GSG1: variants seen among roughly 807,000 people sequenced by gnomAD.
GSG1 encodes germ cell-specific gene 1 protein.
In GSG1, 28 loss-of-function variants were observed where a neutral mutation model predicts 30.8. That is an observed-to-expected ratio of 0.91 (90% CI 0.67 to 1.25). GSG1 has a LOEUF of 1.25. GSG1 is among the 50% of genes most tolerant of loss of function. The probability of loss-of-function intolerance (pLI) is 0.00; values close to 1 mark genes in which losing one functional copy is unlikely to be tolerated. For missense variants in GSG1, 435 were observed against 444.7 expected, an observed-to-expected ratio of 0.98 and a Z score of 0.20; for synonymous variants, 162 against 178.0, an observed-to-expected ratio of 0.91 and a Z score of 0.71.
chr12:13,098,124 G>T (rs1591658331), intron 1 of GSG1, among the ~76,000 whole-genome samples: 1 of 151,826 alleles, frequency 6.6e-6, no homozygotes, highest in African/African-American at 2.4e-5. Flanking sequence ...AGGAGAAGCA[G>T]GAATTTTGTG....
At chr12:13,090,843 A>G in intron 1 of GSG1, 25 bp from the exon 2 acceptor site, 1 of 1,582,290 alleles carries the variant, frequency 6.3e-7, no homozygotes, top group Non-Finnish European at 8.6e-7. Flanking sequence ...CACAAGTGGA[A>G]GGGAAGGGAG....
At chr12:13,096,431 G>A (rs569245990) in intron 1 of GSG1, among the ~76,000 whole-genome samples, 67 of 142,956 alleles carry the variant, frequency 4.7e-4, no homozygotes, top group African/African-American at 1.5e-3. Context: ...CCGAGACTGC[G>A]CCACTGCACT....
At chr12:13,096,111 A>G (rs1363314763) in intron 1 of GSG1, among the ~76,000 whole-genome samples, 3 of 152,160 alleles carry the variant, frequency 2.0e-5, no homozygotes, top group Non-Finnish European at 4.4e-5. Flanking sequence ...TCGGGGCCTC[A>G]TGGAGCCATG....
At chr12:13,087,829 CAA>C in intron 5 of GSG1, 76 bp downstream of exon 5, 2 of 1,484,220 alleles carry the variant, frequency 1.3e-6, no homozygotes, top group Middle Eastern at 2.4e-4. Context: ...CCCTTCAGGG[CAA>C]AGACTCAAGC....
chr12:13,097,269 T>C (rs1591656349), intron 1 of GSG1, among the ~76,000 whole-genome samples: 2 of 152,192 alleles, frequency 1.3e-5, no homozygotes, highest in East Asian at 1.9e-4. Context: ...TTCAACGAAA[T>C]TAGTCTAAAA....
intron 5 of GSG1, among the ~76,000 whole-genome samples, chr12:13,087,511 C>T (rs926056555): frequency 1.1e-4 from 16 of 152,202 alleles, no homozygotes; most frequent in African/African-American, 3.9e-4. Flanking sequence ...CAAGGCTGCA[C>T]CCAAGGCCAC....
rs548205770 is a variant in GSG1 at position 13,095,149 on chromosome 12, C to T, written c.49-4331G>A. Among the ~76,000 whole-genome samples, 11 of 152,338 alleles carry T rather than the reference C, an allele frequency of 7.2e-5. No homozygotes were observed. The East Asian group carries it at 2.1e-3, about 29-fold the overall frequency. ...ATTCAAGAATTTTCAAGAATTATCT[C>T]CAACACCTATAGTACCATGCCCTTT... is the stretch of plus-strand genomic sequence containing the variant. On this transcript the variant is annotated intron_variant, in intron 1 of 6. Coordinates refer to ENST00000651961, the MANE Select transcript of GSG1 (RefSeq NM_001080555.4).
chr12:13,091,055 G>A (rs191536718), intron 1 of GSG1, among the ~76,000 whole-genome samples: 5 of 152,310 alleles, frequency 3.3e-5, no homozygotes, highest in African/African-American at 7.2e-5. Context: ...CCAAATGGGG[G>A]CCTCAGAAGC....
chr12:13,090,210 G>A (rs1591632858), intron 2 of GSG1, among the ~76,000 whole-genome samples: 1 of 152,188 alleles, frequency 6.6e-6, no homozygotes, highest in Admixed American at 6.5e-5. Flanking sequence ...AAACTTTTAA[G>A]GTTAATTCTA....
chr12:13,102,955 T>G (rs1365917446), intron 1 of GSG1, among the ~76,000 whole-genome samples: 1 of 152,264 alleles, frequency 6.6e-6, no homozygotes, highest in Non-Finnish European at 1.5e-5. Flanking sequence ...CTGTGTGTTG[T>G]CCTTCCCAGT....
At chr12:13,090,841 G>A in intron 1 of GSG1, 23 bp from the exon 2 acceptor site, 1 of 1,583,376 alleles carries the variant, frequency 6.3e-7, no homozygotes, top group Non-Finnish European at 8.6e-7. Flanking sequence ...AGCACAAGTG[G>A]AAGGGAAGGG....
At position 13,084,764 on chromosome 12, in the gene GSG1, A is replaced by G. The variant is rs1865343576; in HGVS notation, c.*137T>C. 1 of 610,556 alleles carries G rather than the reference A, an allele frequency of 1.6e-6. No homozygotes were observed. The highest frequency in any genetic ancestry group is 1.8e-5 in the African/African-American group (1 of 54,334). 37.8% of individuals were successfully genotyped at this position (610,556 alleles called of 1,614,324 possible). A position where few individuals can be genotyped will look rare whatever the true frequency, so the allele number is the denominator to read the frequency against. On this transcript the variant is annotated 3_prime_UTR_variant, in exon 7 of 7. Coordinates refer to ENST00000651961, the MANE Select transcript of GSG1 (RefSeq NM_001080555.4). The stretch of plus-strand genomic sequence containing the variant: ...CACCCAGGAATCCCTTAGGACTTAA[A>G]GATAACCCTTATTCATAGCCTTATT...
Position 13,094,253 on chromosome 12 carries a change from A to G in GSG1, c.49-3435T>C, listed in dbSNP as rs369209160. 8.5e-5 allele frequency among the ~76,000 whole-genome samples: 13 copies of G among 152,384 alleles called. No individual in the cohort carries two copies. In the East Asian group the frequency reaches 2.5e-3, roughly 29 times the overall value. On this transcript the variant is annotated intron_variant, in intron 1 of 6. Transcript: ENST00000651961. Reference sequence around the variant, plus strand: ...TTCTTCAGAATTTCCAGGGACTAAGACAGTGCATATCACAAAATGCTTATT... The same window carrying G: ...TTCTTCAGAATTTCCAGGGACTAAGGCAGTGCATATCACAAAATGCTTATT...
chr12:13,084,681 G>C lies in GSG1; in HGVS notation c.*220C>G. ...ATCAGTAAAGAAGGGAATTCTGGAT[G>C]TGTGAGATGTGGGGTGGGTGAAACA... On this transcript the variant is annotated 3_prime_UTR_variant, in exon 7 of 7. Transcript: ENST00000651961. 1 of 435,000 alleles carries C rather than the reference G, an allele frequency of 2.3e-6. No individual in the cohort carries two copies. 26.9% of individuals were successfully genotyped at this position (435,000 alleles called of 1,614,324 possible).
Position 13,093,949 on chromosome 12 carries a change from A to G in GSG1, c.49-3131T>C, listed in dbSNP as rs1310188150. On this transcript the variant is annotated intron_variant, in intron 1 of 6. Transcript: ENST00000651961. The surrounding 1 kb of genome is among the most constrained non-coding windows in gnomAD (Gnocchi z 4.6). ...AGAGAAGTAATTTGGCAAGTCTCTC[A>G]CTTTGTGTTAGAGCAGTTTATACAG... Among the ~76,000 whole-genome samples the G allele has an allele frequency of 6.6e-6, 1 of 152,238 alleles. No homozygotes were observed. Among genetic ancestry groups the G allele is most frequent in the Admixed American group, 6.5e-5 (1 of 15,290 alleles).
chr12:13,086,925 C>T (rs188992728), intron 6 of GSG1, among the ~76,000 whole-genome samples: 276 of 152,252 alleles, frequency 1.8e-3, no homozygotes, highest in Non-Finnish European at 3.1e-3. Flanking sequence ...GAAAACTGGA[C>T]AAAATAACAT....
In GSG1 at chr12:13,088,000, A is replaced by G. The variant is rs1865705367; in HGVS notation, c.541T>C (p.Phe181Leu). Residue 181 changes from phenylalanine to leucine, a missense_variant, in exon 5 of 7, where the codon TTC becomes CTC. Physicochemically the swap from Phe to Leu is conservative, Grantham distance 22. Coordinates refer to ENST00000651961, the MANE Select transcript of GSG1 (RefSeq NM_001080555.4). The stretch of plus-strand genomic sequence containing the variant: ...AGCAAGTCTGTTAGTAGCAGGAGGA[A>G]GCTGATGAATTGAAGTCCGATGTAG... ...ITYIGLQFIS[F>L]LLLLTDLLLT... 3.7e-6 allele frequency: 6 copies of G among 1,614,128 alleles called. No homozygotes were observed. Among genetic ancestry groups the G allele is most frequent in the African/African-American group, 1.3e-5 (1 of 74,936 alleles).
At chr12:13,087,363 C>G (rs1011254688) in intron 5 of GSG1, 100 bp from the exon 6 acceptor site, 2 of 843,650 alleles carry the variant, frequency 2.4e-6, no homozygotes, top group African/African-American at 1.7e-5. Flanking sequence ...CAGGCGCAGC[C>G]TCTGTTGGAG....
chr12:13,103,560 C>G lies in GSG1; in HGVS notation c.-48G>C, dbSNP rs779616878. 6.2e-6 allele frequency: 10 copies of G among 1,605,996 alleles called. No individual in the cohort carries two copies. In the East Asian group the frequency reaches 1.1e-4, roughly 18 times the overall value. On this transcript the variant is annotated 5_prime_UTR_variant, in exon 1 of 7. Transcript: ENST00000651961. ...GAGAAGTTTCAGTTTATCTTCTGTT[C>G]TGTCTCAATCAGTTGGGTAGAATGA...
Sources: gnomAD v4.1 joint callset for allele counts (sites outside exome capture counted in the v4.1 genomes callset) on GRCh38, gnomAD v4.1.1 for gene constraint, Gnocchi (gnomAD v3.1) non-coding constraint, MANE v1.5 for transcripts, NCBI Gene and HGNC (gene_info 2026-07-23, HGNC 2026-07-21) for gene names.